Variants in SCP2 observed in about 807,000 individuals in gnomAD.
SCP2 encodes the protein SCP-2/3-oxoacyl-CoA thiolase.
In SCP2, 48 loss-of-function variants were observed where a neutral mutation model predicts 71.4. The observed-to-expected ratio is 0.67, with a 90% CI of 0.53 to 0.86. The LOEUF is 0.86. Ranked by LOEUF, SCP2 falls within the 40% of genes least tolerant of loss-of-function variation. The probability of loss-of-function intolerance (pLI) is 0.00; values close to 1 mark genes in which losing one functional copy is unlikely to be tolerated. For missense variants in SCP2, 560 were observed against 655.6 expected (o/e 0.85, Z 1.59); for synonymous variants, 220 against 218.1 (o/e 1.01, Z -0.08).
At chr1:53,009,112 C>T (rs1482111162) in intron 11 of SCP2, among the ~76,000 whole-genome samples, 3 of 152,116 alleles carry the variant, frequency 2.0e-5, no homozygotes, top group African/African-American at 4.8e-5. Flanking sequence ...AACCACTGCT[C>T]AACGAAATAA....
At chr1:52,941,734 CAA>C (rs143386725) in intron 1 of SCP2, 60 bp from the exon 2 acceptor site, 5,284 of 925,006 alleles carry the variant, frequency 5.7e-3, no homozygotes, top group East Asian at 0.011. Context: ...GACTCCGTCT[CAA>C]AAAAAAAAAA....
intron 11 of SCP2, chr1:52,995,212 C>G (rs1324380611): frequency 2.0e-6 from 1 of 501,786 alleles, no homozygotes; most frequent in East Asian, 5.1e-5. Flanking sequence ...CATGAACACC[C>G]TCAGTGTGGT....
At chr1:52,990,189 A>G (rs1659343060) in intron 11 of SCP2, among the ~76,000 whole-genome samples, 2 of 152,120 alleles carry the variant, frequency 1.3e-5, no homozygotes, top group African/African-American at 2.4e-5. Flanking sequence ...ATAAACAGCA[A>G]CAACAACAAC....
At chr1:53,010,625 T>C (rs958837657) in intron 11 of SCP2, among the ~76,000 whole-genome samples, 3 of 151,976 alleles carry the variant, frequency 2.0e-5, no homozygotes, top group African/African-American at 7.3e-5. Context: ...CTGGGGTCTG[T>C]CGTTGGGTGG....
chr1:52,964,878 G>T (rs1158526199), intron 6 of SCP2, among the ~76,000 whole-genome samples: 2 of 152,044 alleles, frequency 1.3e-5, no homozygotes, highest in African/African-American at 4.8e-5. Flanking sequence ...GCCGAGCCTG[G>T]TAGTGCACAC....
intron 1 of SCP2, among the ~76,000 whole-genome samples, chr1:52,929,942 A>G (rs1652986099): frequency 6.6e-6 from 1 of 152,136 alleles, no homozygotes; most frequent in Admixed American, 6.5e-5. Flanking sequence ...TTTTAACACA[A>G]CTAAGTCACA....
chr1:52,949,849 T>C (rs932811495), intron 3 of SCP2, among the ~76,000 whole-genome samples: 1 of 152,228 alleles, frequency 6.6e-6, no homozygotes, highest in Non-Finnish European at 1.5e-5. Flanking sequence ...TATTTAAGAA[T>C]GTTAGCACAG....
At position 53,015,056 on chromosome 1, in the gene SCP2, CAG is replaced by C; in HGVS notation, c.1235+16_1235+17del. ...CGGAAGCCGCCAGGTGAGTGACATT[CAG>C]AGTTTTGTGTGTCAGTTAATCCTTC... On this transcript the variant is annotated intron_variant, in intron 12 of 15. Coordinates refer to ENST00000371514, the MANE Select transcript of SCP2 (RefSeq NM_002979.5). 1.9e-6 allele frequency: 3 copies of C among 1,613,200 alleles called. No homozygotes were observed. The highest frequency in any genetic ancestry group is 1.7e-5 in the Admixed American group (1 of 60,030).
intron 12 of SCP2, among the ~76,000 whole-genome samples, chr1:53,016,733 C>T (rs1661367607): frequency 1.3e-5 from 2 of 152,032 alleles, no homozygotes; most frequent in Non-Finnish European, 2.9e-5. Flanking sequence ...GGTAGAGGGA[C>T]AAAGTGGGAT....
At chr1:53,004,885 C>T (rs373544502) in intron 11 of SCP2, among the ~76,000 whole-genome samples, 5 of 152,114 alleles carry the variant, frequency 3.3e-5, no homozygotes, top group Admixed American at 1.3e-4. Flanking sequence ...CAAGGGAAGC[C>T]GTGACAGATG....
chr1:52,981,772 TTA>T (rs200727174), intron 10 of SCP2, among the ~76,000 whole-genome samples: 1 of 149,974 alleles, frequency 6.7e-6, no homozygotes, highest in Non-Finnish European at 1.5e-5. Context: ...TGAAAATATT[TTA>T]TATATATATA....
chr1:53,021,729 C>T (rs926802463), intron 12 of SCP2, among the ~76,000 whole-genome samples: 2 of 149,796 alleles, frequency 1.3e-5, no homozygotes, highest in African/African-American at 4.9e-5. Flanking sequence ...ACTACAATCT[C>T]TGCCTCCTGG....
At chr1:52,931,781 GACA>G (rs1653171695) in intron 1 of SCP2, among the ~76,000 whole-genome samples, 1 of 152,084 alleles carries the variant, frequency 6.6e-6, no homozygotes, top group African/African-American at 2.4e-5. Context: ...TTTCCAACAA[GACA>G]ACGTCAACCC....
At chr1:53,029,207 C>T (rs17107654) in intron 13 of SCP2, among the ~76,000 whole-genome samples, 20 of 151,746 alleles carry the variant, frequency 1.3e-4, no homozygotes, top group South Asian at 8.3e-4. Context: ...ATTCTCTTCA[C>T]GCAAAATTGA....
chr1:52,970,723 C>T (rs1657392865), intron 6 of SCP2, among the ~76,000 whole-genome samples: 1 of 151,940 alleles, frequency 6.6e-6, no homozygotes, highest in Non-Finnish European at 1.5e-5. Flanking sequence ...GATTATCTCC[C>T]CTCTTCTCTG....
intron 13 of SCP2, among the ~76,000 whole-genome samples, chr1:53,031,727 C>T (rs563969941): frequency 1.3e-5 from 2 of 152,184 alleles, no homozygotes; most frequent in Non-Finnish European, 2.9e-5. Context: ...ACTCCCACTT[C>T]AATTGAAAAT....
chr1:53,033,022 A>G (rs1342583922), intron 13 of SCP2, among the ~76,000 whole-genome samples: 1 of 152,220 alleles, frequency 6.6e-6, no homozygotes, highest in East Asian at 1.9e-4. Flanking sequence ...AGCCAACATA[A>G]GAGAATTTCT....
chr1:53,017,780 G>A (rs1661434468), intron 12 of SCP2, among the ~76,000 whole-genome samples: 1 of 152,148 alleles, frequency 6.6e-6, no homozygotes, highest in African/African-American at 2.4e-5. Context: ...ACAACAAGAA[G>A]CAATACAGAA....
chr1:53,015,710 T>C (rs1474545334), intron 12 of SCP2, among the ~76,000 whole-genome samples: 1 of 152,196 alleles, frequency 6.6e-6, no homozygotes, highest in East Asian at 1.9e-4. Flanking sequence ...AGCATACATG[T>C]TCAGGTCTTC....
Sources: allele counts gnomAD v4.1 joint callset (sites outside exome capture counted in the v4.1 genomes callset), GRCh38; gene constraint gnomAD v4.1.1; transcripts MANE v1.5; gene names NCBI Gene and HGNC (gene_info 2026-07-23, HGNC 2026-07-21).